The following TAB2 variants were observed in gnomAD, a reference collection of about 807,000 sequenced individuals.
The protein encoded by TAB2 is TGF-beta-activated kinase 1 and MAP3K7-binding protein 2.
Under a neutral mutation model 65.0 loss-of-function variants are expected in TAB2, and 3 were observed. The ratio of observed to expected loss-of-function variants is 0.05; its 90% CI spans 0.02 to 0.12. The LOEUF (loss-of-function observed/expected upper bound fraction) is 0.12, where lower values mean the gene tolerates loss of function less well. Ranked by LOEUF, TAB2 falls within the 10% of genes least tolerant of loss-of-function variation. TAB2 has a pLI of 1.00. For synonymous variants in TAB2, 298 were observed against 285.1 expected, an observed-to-expected ratio of 1.05 and a Z score of -0.46; for missense variants, 623 against 840.3, an observed-to-expected ratio of 0.74 and a Z score of 3.20.
intron 1 of TAB2, among the ~76,000 whole-genome samples, chr6:149,254,105 GGAA>G (rs879781040): frequency 0.14 from 18,686 of 132,280 alleles, 1,715 homozygotes; most frequent in East Asian, 0.25. Flanking sequence ...AAGGAAGGAA[GGAA>G]GGAAGGACAG....
At chr6:149,273,578 T>C (rs541799) in intron 1 of TAB2, among the ~76,000 whole-genome samples, 3 of 152,162 alleles carry the variant, frequency 2.0e-5, no homozygotes, top group African/African-American at 7.2e-5. Context: ...AACTGTGCAG[T>C]GGAGGAAGTG....
rs183206346 is a variant in TAB2 at position 149,260,276 on chromosome 6, G to A, written c.-121+41500G>A. Among the ~76,000 whole-genome samples, 259 of 152,296 alleles carry A rather than the reference G, an allele frequency of 1.7e-3. 1 individual carries two copies. Among genetic ancestry groups the A allele is most frequent in the African/African-American group, 5.9e-3 (246 of 41,576 alleles). On this transcript the variant is annotated intron_variant, in intron 1 of 1. Coordinates refer to the TAB2 transcript ENST00000606202. ...GGTGCAGGTAGCTGGCCAGGTGACC[G>A]TAACATCCAAGAAGTGGGTTTGGAA... is the stretch of plus-strand genomic sequence containing the variant.
At chr6:149,404,945 G>A (rs899780034) in intron 6 of TAB2, among the ~76,000 whole-genome samples, 5 of 152,022 alleles carry the variant, frequency 3.3e-5, no homozygotes, top group African/African-American at 1.2e-4. Flanking sequence ...GCATCTACAC[G>A]GCAAAGGAAA....
intron 1 of TAB2, among the ~76,000 whole-genome samples, chr6:149,265,676 T>A (rs1778250079): frequency 6.6e-6 from 1 of 152,208 alleles, no homozygotes; most frequent in African/African-American, 2.4e-5. Context: ...GCCTAGAGGC[T>A]TTCTGCAGAG....
At chr6:149,274,837 A>G (rs1392854890) in intron 1 of TAB2, among the ~76,000 whole-genome samples, 2 of 152,150 alleles carry the variant, frequency 1.3e-5, no homozygotes, top group Non-Finnish European at 2.9e-5. Flanking sequence ...GTCATAGAGC[A>G]TTAGAACCGA....
chr6:149,218,934 G>A (rs1243112539), intron 1 of TAB2, among the ~76,000 whole-genome samples: 1 of 152,184 alleles, frequency 6.6e-6, no homozygotes, highest in Non-Finnish European at 1.5e-5. Context: ...ATCTGTGACT[G>A]TAAAGGAAAG....
At chr6:149,358,343 G>A (rs1177913764) in intron 1 of TAB2, among the ~76,000 whole-genome samples, 9 of 152,162 alleles carry the variant, frequency 5.9e-5, no homozygotes, top group Admixed American at 5.9e-4. Flanking sequence ...CATGAAGCAA[G>A]TTTGTCTTAA....
chr6:149,346,813 C>A (rs1260493547), intron 1 of TAB2, among the ~76,000 whole-genome samples: 1 of 152,066 alleles, frequency 6.6e-6, no homozygotes, highest in African/African-American at 2.4e-5. Context: ...TAATATTTAA[C>A]CAACTTATTA....
chr6:149,302,776 T>A (rs1778992679), intron 1 of TAB2, among the ~76,000 whole-genome samples: 1 of 152,202 alleles, frequency 6.6e-6, no homozygotes, highest in Non-Finnish European at 1.5e-5. Flanking sequence ...CTCCCCACTT[T>A]CTTTCACAGA....
chr6:149,279,006 C>T (rs1778525811), intron 1 of TAB2, among the ~76,000 whole-genome samples: 1 of 152,096 alleles, frequency 6.6e-6, no homozygotes, highest in East Asian at 1.9e-4. Context: ...CTATTGTGAA[C>T]CTCATTCATT....
chr6:149,367,801 A>G (rs1051737308), intron 1 of TAB2, among the ~76,000 whole-genome samples: 2 of 152,130 alleles, frequency 1.3e-5, no homozygotes, highest in African/African-American at 2.4e-5. Context: ...TGAGAGACCA[A>G]CTGGATGAAT....
chr6:149,319,310 A>T (rs1310175043), intron 1 of TAB2, among the ~76,000 whole-genome samples: 2 of 152,228 alleles, frequency 1.3e-5, no homozygotes, highest in East Asian at 1.9e-4. Context: ...GACACCTTTT[A>T]AAAAATATCT....
chr6:149,256,427 C>T (rs1778036129), intron 1 of TAB2, among the ~76,000 whole-genome samples: 1 of 152,108 alleles, frequency 6.6e-6, no homozygotes, highest in African/African-American at 2.4e-5. Flanking sequence ...TCATACACAT[C>T]ATTGCATTAG....
At chr6:149,313,970 A>C (rs1011381729), upstream of TAB2, among the ~76,000 whole-genome samples, 1 of 152,172 alleles carries the variant, frequency 6.6e-6, no homozygotes, top group Non-Finnish European at 1.5e-5. Flanking sequence ...TTAACCAGAC[A>C]GTGATGCCTG....
chr6:149,277,488 A>G (rs1208835579), intron 1 of TAB2, among the ~76,000 whole-genome samples: 1 of 152,164 alleles, frequency 6.6e-6, no homozygotes, highest in Non-Finnish European at 1.5e-5. Flanking sequence ...GTTCATAAAT[A>G]TATGTTAAAG....
chr6:149,324,872 C>G (rs1452860436), intron 1 of TAB2, among the ~76,000 whole-genome samples: 1 of 146,156 alleles, frequency 6.8e-6, no homozygotes, highest in African/African-American at 2.6e-5. Context: ...TCATAGCTCG[C>G]TGCAATCTCA....
intron 1 of TAB2, among the ~76,000 whole-genome samples, chr6:149,325,422 A>G (rs1017709811): frequency 6.6e-6 from 1 of 152,220 alleles, no homozygotes; most frequent in Non-Finnish European, 1.5e-5. Context: ...AATAGAATGA[A>G]AAAAGAATTT....
At chr6:149,363,968 G>A (rs1780951438) in intron 1 of TAB2, among the ~76,000 whole-genome samples, 1 of 152,186 alleles carries the variant, frequency 6.6e-6, no homozygotes, top group Non-Finnish European at 1.5e-5. Flanking sequence ...GAGCAAATCA[G>A]AAATCAACTT....
chr6:149,272,067 A>T (rs1206451325), intron 1 of TAB2, among the ~76,000 whole-genome samples: 1 of 152,012 alleles, frequency 6.6e-6, no homozygotes, highest in Admixed American at 6.6e-5. Context: ...TGAGGAATGT[A>T]ATTTTCTGTT....
Sources: gnomAD v4.1 joint callset for allele counts (sites outside exome capture counted in the v4.1 genomes callset) on GRCh38, gnomAD v4.1.1 for gene constraint, MANE v1.5 for transcripts, NCBI Gene and HGNC (gene_info 2026-07-23, HGNC 2026-07-21) for gene names.